ACACA: variants seen among roughly 807,000 people sequenced by gnomAD.
The protein encoded by ACACA is acetyl-CoA carboxylase alpha.
ACACA carries 103 observed loss-of-function variants against 296.1 expected under a neutral mutation model. The observed-to-expected ratio is 0.35, with a 90% CI of 0.30 to 0.41. The LOEUF (loss-of-function observed/expected upper bound fraction) is 0.41. Ranked by LOEUF, ACACA falls within the 10% of genes least tolerant of loss-of-function variation. The pLI is 1.00. For synonymous variants in ACACA, 953 were observed against 1,038.6 expected, an observed-to-expected ratio of 0.92 and a Z score of 1.58; for missense variants, 1,554 against 2,989.7, an observed-to-expected ratio of 0.52 and a Z score of 11.20.
At chr17:37,325,767 T>C (rs2047592097) in intron 3 of ACACA, among the ~76,000 whole-genome samples, 1 of 150,230 alleles carries the variant, frequency 6.7e-6, no homozygotes, top group South Asian at 2.1e-4. Flanking sequence ...AGAGATGGGG[T>C]TTCTCCATGT....
chr17:37,206,724 T>A (rs73982267), intron 32 of ACACA, 59 bp downstream of exon 32: 1 of 1,333,426 alleles, frequency 7.5e-7, no homozygotes, highest in East Asian at 2.3e-5. Flanking sequence ...AAAGATAGTA[T>A]ACAGTAGAAG....
intron 52 of ACACA, among the ~76,000 whole-genome samples, chr17:37,098,674 C>A (rs1358308925): frequency 2.0e-5 from 3 of 152,208 alleles, no homozygotes; most frequent in Non-Finnish European, 4.4e-5. Context: ...CTGCCAGAGC[C>A]AGTCCCTGAC....
chr17:37,088,890 A>T, intron 55 of ACACA, 48 bp downstream of exon 55: 1 of 1,609,810 alleles, frequency 6.2e-7, no homozygotes, highest in Non-Finnish European at 8.5e-7. Context: ...TTTTATTCCA[A>T]AGAAATTAGC....
intron 41 of ACACA, among the ~76,000 whole-genome samples, chr17:37,165,920 T>TC (rs147904878): frequency 0.011 from 1,747 of 152,206 alleles, 39 homozygotes; most frequent in African/African-American, 0.038. Context: ...CAAGCCATCC[T>TC]CCTGCCTAGG....
At chr17:37,277,239 A>G (rs2082320608) in intron 6 of ACACA, 125 bp from the exon 7 acceptor site, 1 of 818,608 alleles carries the variant, frequency 1.2e-6, no homozygotes, top group Admixed American at 1.9e-5. Context: ...CCTAATGCTT[A>G]ATTCAGCTTC....
intron 45 of ACACA, among the ~76,000 whole-genome samples, chr17:37,141,840 T>A (rs1475411511): frequency 6.6e-6 from 1 of 151,778 alleles, no homozygotes; most frequent in Admixed American, 6.6e-5. Context: ...TACAGGTGTG[T>A]GCCACCACGC....
At chr17:37,361,102 A>G (rs1015869220) in intron 1 of ACACA, among the ~76,000 whole-genome samples, 3 of 147,700 alleles carry the variant, frequency 2.0e-5, no homozygotes, top group Non-Finnish European at 3.0e-5. Flanking sequence ...GCCGTGGTGC[A>G]ATCTCAGCTC....
chr17:37,266,104 T>C (rs2081756834), intron 10 of ACACA, among the ~76,000 whole-genome samples: 1 of 152,194 alleles, frequency 6.6e-6, no homozygotes, highest in South Asian at 2.1e-4. Flanking sequence ...GTCAGGATGC[T>C]GTGAGACAGT....
rs979551117 is a variant in ACACA, at chr17:37,291,743, A to G, written c.339-6773T>C. 1.4e-4 allele frequency among the ~76,000 whole-genome samples: 22 copies of G among 152,162 alleles called. 1 individual carries two copies. Among genetic ancestry groups the G allele is most frequent in the Non-Finnish European group, 1.5e-5 (1 of 68,022 alleles). Reference sequence around the variant, plus strand: ...GTCATACTAACCATTACAAATCTCAATTCTCTCAAGAACTGAAAGAACACC... The same window carrying G: ...GTCATACTAACCATTACAAATCTCAGTTCTCTCAAGAACTGAAAGAACACC... On this transcript the variant is annotated intron_variant, in intron 3 of 55. Transcript: ENST00000616317.
In ACACA at chr17:37,258,201, T is replaced by C. The variant is rs1598333810; in HGVS notation, c.1662+11A>G. The C allele has an allele frequency of 6.2e-7, 1 of 1,613,952 alleles. No homozygotes were observed. The highest frequency in any genetic ancestry group is 8.5e-7 in the Non-Finnish European group (1 of 1,179,814). ...TAAAAGGAGGTATAAACCTTTTAAG[T>C]GATGGGTTACCTCATCTGGATTTTC... On this transcript the variant is annotated intron_variant, in intron 13 of 55. Transcript: ENST00000616317.
intron 4 of ACACA, 22 bp from the exon 5 acceptor site, chr17:37,283,427 G>C: frequency 1.2e-6 from 2 of 1,613,842 alleles, no homozygotes; most frequent in South Asian, 2.2e-5. Context: ...AAGGAGATGG[G>C]AATGGGAAGA....
chr17:37,377,617 G>A (rs890831103), intron 1 of ACACA, among the ~76,000 whole-genome samples: 1 of 151,690 alleles, frequency 6.6e-6, no homozygotes, highest in African/African-American at 2.4e-5. Flanking sequence ...CGGAGATCAC[G>A]TCACTGCACT....
chr17:37,135,874 A>C (rs1217080894), intron 45 of ACACA, among the ~76,000 whole-genome samples: 1 of 151,950 alleles, frequency 6.6e-6, no homozygotes, highest in African/African-American at 2.4e-5. Context: ...GTAGGTAGGG[A>C]CTTGAGATTT....
chr17:37,254,985 C>T (rs1353452754), intron 14 of ACACA, among the ~76,000 whole-genome samples: 1 of 151,956 alleles, frequency 6.6e-6, no homozygotes, highest in Non-Finnish European at 1.5e-5. Flanking sequence ...CCTGTAATCC[C>T]AGTTACTCAG....
At chr17:37,107,470 C>A (rs2073754424) in intron 52 of ACACA, among the ~76,000 whole-genome samples, 1 of 152,190 alleles carries the variant, frequency 6.6e-6, no homozygotes, top group South Asian at 2.1e-4. Context: ...AGAAGCGTAT[C>A]CTCACCTGCC....
chr17:37,371,312 C>T (rs2049798109), intron 1 of ACACA, among the ~76,000 whole-genome samples: 1 of 151,804 alleles, frequency 6.6e-6, no homozygotes, highest in Non-Finnish European at 1.5e-5. Context: ...CTCCTGACCT[C>T]AGGTGATCCA....
At chr17:37,356,055 C>G (rs1021089063) in intron 1 of ACACA, among the ~76,000 whole-genome samples, 18 of 151,824 alleles carry the variant, frequency 1.2e-4, no homozygotes, top group African/African-American at 4.4e-4. Context: ...CTTGTAGTCT[C>G]AGCTACTCAG....
Position 37,222,521 on chromosome 17 carries a change from A to T in ACACA, c.3565-679T>A, listed in dbSNP as rs987067473. ...CAGCAATAGGCTACATCTCTGCAAAAACTGTCAGTCCAACCTCACACATTT... is the reference window on the plus strand; with the variant it reads ...CAGCAATAGGCTACATCTCTGCAAATACTGTCAGTCCAACCTCACACATTT... On this transcript the variant is annotated intron_variant, in intron 28 of 55. Coordinates refer to ENST00000616317, the MANE Select transcript of ACACA (RefSeq NM_198834.3). 1.8e-4 allele frequency among the ~76,000 whole-genome samples: 27 copies of T among 152,330 alleles called. 1 individual carries two copies. The highest frequency in any genetic ancestry group is 8.8e-5 in the Non-Finnish European group (6 of 68,020).
chr17:37,184,721 C>T (rs977998734), intron 39 of ACACA, among the ~76,000 whole-genome samples: 3 of 151,722 alleles, frequency 2.0e-5, no homozygotes, highest in Admixed American at 6.6e-5. Flanking sequence ...TGGTGGTAGA[C>T]GCCTTTAGTC....
Sources: allele counts gnomAD v4.1 joint callset (sites outside exome capture counted in the v4.1 genomes callset), GRCh38; gene constraint gnomAD v4.1.1; transcripts MANE v1.5; gene names NCBI Gene and HGNC (gene_info 2026-07-23, HGNC 2026-07-21).